Variants in OPRL1 observed in about 807,000 individuals in gnomAD.
OPRL1 encodes nociceptin receptor.
Under a neutral mutation model 15.5 loss-of-function variants are expected in OPRL1, and 5 were observed. The observed-to-expected ratio is 0.32, with a 90% confidence interval of 0.17 to 0.68. The LOEUF is 0.68. Among genes scored for constraint, OPRL1 ranks in the 30% least tolerant of loss-of-function variants. The pLI, the probability that OPRL1 is intolerant of heterozygous loss-of-function variation, is 0.72. For missense variants in OPRL1, 406 were observed against 515.3 expected (o/e 0.79, Z 2.05); for synonymous variants, 223 against 230.2 (o/e 0.97, Z 0.28).
rs1222159159 is a variant in OPRL1, at chr20:64,097,526, A to C, written c.234-276A>C. Among the ~76,000 whole-genome samples, 3 of 152,162 alleles carry C rather than the reference A, an allele frequency of 2.0e-5. No individual in the cohort carries two copies. The highest frequency in any genetic ancestry group is 7.2e-5 in the African/African-American group (3 of 41,434). Reference sequence around the variant, plus strand: ...CTACATGCCCTGACTCCTCTAAAGTAGACCTGTGTTTAAGGCTTGGAATCC... The same window carrying C: ...CTACATGCCCTGACTCCTCTAAAGTCGACCTGTGTTTAAGGCTTGGAATCC... On this transcript the variant is annotated intron_variant, in intron 3 of 4. Coordinates refer to ENST00000336866, the MANE Select transcript of OPRL1 (RefSeq NM_182647.4). This position sits in a 1 kb window ranked among gnomAD's most constrained non-coding sequence, Gnocchi z 4.2.
At chr20:64,088,656 A>T (rs200577078) in intron 1 of OPRL1, among the ~76,000 whole-genome samples, 193 of 29,926 alleles carry the variant, frequency 6.4e-3, no homozygotes, top group African/African-American at 0.012. Context: ...CTGTGCAGGG[A>T]GGCCAGGATC....
chr20:64,088,451 G>C (rs967166496), intron 1 of OPRL1, among the ~76,000 whole-genome samples: 1 of 151,496 alleles, frequency 6.6e-6, no homozygotes, highest in African/African-American at 2.4e-5. Flanking sequence ...GGAGTCGGGG[G>C]ACAGGACCCG....
chr20:64,092,699 A>G lies in OPRL1; in HGVS notation c.-22A>G, dbSNP rs2060132529. The G allele has an allele frequency of 3.1e-6, 5 of 1,607,562 alleles. No individual in the cohort carries two copies. In the African/African-American group the frequency reaches 5.3e-5, roughly 17 times the overall value. On this transcript the variant is annotated 5_prime_UTR_variant, in exon 3 of 5. Coordinates refer to ENST00000336866, the MANE Select transcript of OPRL1 (RefSeq NM_182647.4). ...GCGCTCTGTCCCAGGTACCGTACAGAGTGGATTTGCAGGGCAGTGGCATGG... is the reference window on the plus strand; with the variant it reads ...GCGCTCTGTCCCAGGTACCGTACAGGGTGGATTTGCAGGGCAGTGGCATGG...
chr20:64,088,693 G>GAGTGGCCAGGATCTGTGCAA (rs1569271816), intron 1 of OPRL1, among the ~76,000 whole-genome samples: 45 of 115,262 alleles, frequency 3.9e-4, no homozygotes, highest in Admixed American at 4.4e-4. Flanking sequence ...GATCTGTGCA[G>GAGTGGCCAGGATCTGTGCAA]GGAGGCCAGG....
chr20:64,091,332 G>T (rs1467954707), intron 1 of OPRL1, among the ~76,000 whole-genome samples: 4 of 150,284 alleles, frequency 2.7e-5, no homozygotes, highest in African/African-American at 9.8e-5. Flanking sequence ...CTGATCTGGG[G>T]CCCAGCTGTG....
rs966683956 is a variant in OPRL1, at chr20:64,089,637, G to A, written c.-184-2329G>A. Among the ~76,000 whole-genome samples, 4 of 152,152 alleles carry A rather than the reference G, an allele frequency of 2.6e-5. No homozygotes were observed. The highest frequency in any genetic ancestry group is 9.7e-5 in the African/African-American group (4 of 41,426). The stretch of plus-strand genomic sequence containing the variant: ...TCTCTGCCTGTAGGGAGGAAGCTGT[G>A]GGGTGACCCAGGTGGAAGACAGACA... On this transcript the variant is annotated intron_variant, in intron 1 of 4. Transcript: ENST00000336866. This position sits in a 1 kb window ranked among gnomAD's most constrained non-coding sequence, Gnocchi z 5.5.
At chr20:64,091,374 C>G (rs73324709) in intron 1 of OPRL1, among the ~76,000 whole-genome samples, 2 of 152,226 alleles carry the variant, frequency 1.3e-5, no homozygotes, top group South Asian at 2.1e-4. Context: ...CTCCAAGTGA[C>G]GAACAGACCC....
chr20:64,083,378 C>T lies in OPRL1; in HGVS notation c.-185+3026C>T. 6.2e-7 allele frequency: 1 copy of T among 1,609,604 alleles called. No homozygotes were observed. The highest frequency in any genetic ancestry group is 1.3e-5 in the African/African-American group (1 of 74,768). Reference sequence around the variant, plus strand: ...GGCAGCAAAAAGACCAGCGAGCCTTCGGAGAATTATAACTTTATGTGGGAG... The same window carrying T: ...GGCAGCAAAAAGACCAGCGAGCCTTTGGAGAATTATAACTTTATGTGGGAG... On this transcript the variant is annotated intron_variant, in intron 1 of 4. Transcript: ENST00000336866. This position sits in a 1 kb window ranked among gnomAD's most constrained non-coding sequence, Gnocchi z 4.9.
At position 64,083,401 on chromosome 20, in the gene OPRL1, G is replaced by A. The variant is rs1343801126; in HGVS notation, c.-185+3049G>A. 2.5e-6 allele frequency: 4 copies of A among 1,611,610 alleles called. No individual in the cohort carries two copies. The highest frequency in any genetic ancestry group is 3.4e-6 in the Non-Finnish European group (4 of 1,179,530). ...TTCGGAGAATTATAACTTTATGTGG[G>A]AGGCTGGGGCGCGTCGCACACTCTC... is the stretch of plus-strand genomic sequence containing the variant. On this transcript the variant is annotated intron_variant, in intron 1 of 4. Transcript: ENST00000336866. This position sits in a 1 kb window ranked among gnomAD's most constrained non-coding sequence, Gnocchi z 4.9.
At chr20:64,091,300 T>A (rs1310611044) in intron 1 of OPRL1, among the ~76,000 whole-genome samples, 2 of 147,598 alleles carry the variant, frequency 1.4e-5, no homozygotes, top group Non-Finnish European at 3.0e-5. Context: ...GGGGCCCAGC[T>A]GTGGCAGAGG....
chr20:64,088,737 G>GCCAGGA lies in OPRL1; in HGVS notation c.-184-3229_-184-3228insCCAGGA, dbSNP rs746413074. Among the ~76,000 whole-genome samples the GCCAGGA allele has an allele frequency of 1.0e-2, 82 of 8,202 alleles. 17 individuals carry two copies. Among genetic ancestry groups the GCCAGGA allele is most frequent in the Non-Finnish European group, 0.014 (45 of 3,270 alleles). The allele number at this position is 8,202 out of a possible 152,430, so 5.4% of individuals were successfully genotyped here. ...AGAGTGGCCAGGATCTGTGCAAGGG[G>GCCAGGA]TAGGATCTGTGCAGAGTGGCCAGGA... On this transcript the variant is annotated intron_variant, in intron 1 of 4. Transcript: ENST00000336866.
In OPRL1 at chr20:64,084,805, C is replaced by G. The variant is rs565958080; in HGVS notation, c.-185+4453C>G. Among the ~76,000 whole-genome samples, 149 of 152,330 alleles carry G rather than the reference C, an allele frequency of 9.8e-4. 1 individual carries two copies. The highest frequency in any genetic ancestry group is 3.3e-3 in the African/African-American group (136 of 41,590). On this transcript the variant is annotated intron_variant, in intron 1 of 4. Transcript: ENST00000336866. ...CACCTTGTCCAGCCAGGGCTGGGCTCGCTGTGCCAGAGGCAGAGCCACGGC... is the reference window on the plus strand; with the variant it reads ...CACCTTGTCCAGCCAGGGCTGGGCTGGCTGTGCCAGAGGCAGAGCCACGGC...
At chr20:64,082,731 T>G (rs2059980971) in intron 1 of OPRL1, among the ~76,000 whole-genome samples, 1 of 150,746 alleles carries the variant, frequency 6.6e-6, no homozygotes, top group Non-Finnish European at 1.5e-5. Context: ...CCAGGGATTT[T>G]GTAGGTCGTG....
intron 1 of OPRL1, among the ~76,000 whole-genome samples, chr20:64,080,856 C>A (rs555139542): frequency 6.6e-6 from 1 of 152,312 alleles, no homozygotes; most frequent in East Asian, 1.9e-4. Context: ...AAAATGCCTT[C>A]CAGTTGCACA....
In OPRL1 at chr20:64,100,110, G is replaced by GC. The variant is rs1569283068; in HGVS notation, c.*1311_*1312insC. 1.4e-5 allele frequency: 1 copy of GC among 72,190 alleles called. No homozygotes were observed. Among genetic ancestry groups the GC allele is most frequent in the African/African-American group, 9.7e-5 (1 of 10,354 alleles). 4.5% of individuals were successfully genotyped at this position (72,190 alleles called of 1,614,324 possible). ...TGGCTGTGAGGACACTGCGGGGGTTGGGGGGGGGGCGTCTGTACCTCAGGG... is the reference window on the plus strand; with the variant it reads ...TGGCTGTGAGGACACTGCGGGGGTTGCGGGGGGGGGCGTCTGTACCTCAGGG... On this transcript the variant is annotated 3_prime_UTR_variant, in exon 5 of 5. Coordinates refer to ENST00000336866, the MANE Select transcript of OPRL1 (RefSeq NM_182647.4).
chr20:64,084,188 T>A, intron 1 of OPRL1: 1 of 1,444,984 alleles, frequency 6.9e-7, no homozygotes, highest in African/African-American at 1.5e-5. Flanking sequence ...CCGCGGGCCC[T>A]TGCGCCCGCC....
rs2060096421 is a variant in OPRL1, at chr20:64,089,193, G to T, written c.-184-2773G>T. Among the ~76,000 whole-genome samples, 1 of 152,162 alleles carries T rather than the reference G, an allele frequency of 6.6e-6. No homozygotes were observed. Among genetic ancestry groups the T allele is most frequent in the Admixed American group, 6.5e-5 (1 of 15,286 alleles). On this transcript the variant is annotated intron_variant, in intron 1 of 4. Coordinates refer to ENST00000336866, the MANE Select transcript of OPRL1 (RefSeq NM_182647.4). This position sits in a 1 kb window ranked among gnomAD's most constrained non-coding sequence, Gnocchi z 5.5. ...GGGTTCTATGGTTATGAACATGTCA[G>T]GGCAGAATGACACAGAACACACAAG... is the stretch of plus-strand genomic sequence containing the variant.
chr20:64,082,610 C>A (rs1314081452), intron 1 of OPRL1, among the ~76,000 whole-genome samples: 1 of 152,110 alleles, frequency 6.6e-6, no homozygotes, highest in South Asian at 2.1e-4. Context: ...GGGCAGGGGG[C>A]TGGGAGGGAG....
In OPRL1 at chr20:64,083,977, G is replaced by C. The variant is rs1267139814; in HGVS notation, c.-185+3625G>C. 1 of 1,469,760 alleles carries C rather than the reference G, an allele frequency of 6.8e-7. No homozygotes were observed. Among genetic ancestry groups the C allele is most frequent in the Non-Finnish European group, 8.9e-7 (1 of 1,118,318 alleles). 91.0% of individuals were successfully genotyped at this position (1,469,760 alleles called of 1,614,324 possible). ...TGCGGTACCCCGGTTCCACCGACCC[G>C]CACGGGAAGGTGGAGGCCGCCGCGC... On this transcript the variant is annotated intron_variant, in intron 1 of 4. Transcript: ENST00000336866. This position sits in a 1 kb window ranked among gnomAD's most constrained non-coding sequence, Gnocchi z 4.9.
Sources: allele counts gnomAD v4.1 joint callset (sites outside exome capture counted in the v4.1 genomes callset), GRCh38; gene constraint gnomAD v4.1.1; non-coding constraint Gnocchi (gnomAD v3.1); transcripts MANE v1.5; gene names NCBI Gene and HGNC (gene_info 2026-07-23, HGNC 2026-07-21).